The following CYP24A1 variants were observed in gnomAD, a reference collection of about 807,000 sequenced individuals.
CYP24A1 encodes the protein cytochrome P450 family 24 subfamily A member 1.
A neutral mutation model predicts 62.4 loss-of-function variants in CYP24A1; 68 were observed. The observed-to-expected ratio is 1.09, with a 90% CI of 0.90 to 1.33. The LOEUF is 1.33. Ranked by LOEUF, CYP24A1 falls within the 40% of genes most tolerant of loss-of-function variation. The pLI is 0.00. For missense variants in CYP24A1, 787 were observed against 653.0 expected (o/e 1.21, Z -2.24); for synonymous variants, 267 against 253.0 (o/e 1.06, Z -0.52).
At chr20:54,148,048 C>G in the CYP24A1 span, among the ~76,000 whole-genome samples, 2 of 152,144 alleles carry the variant, frequency 1.3e-5, no homozygotes, top group Admixed American at 1.3e-4. Context: ...GTTGGCCAGG[C>G]TGGTCCCGAA....
At position 54,153,793 on chromosome 20, in the gene CYP24A1, A is replaced by C. The variant is rs928753921; in HGVS notation, c.*979T>G. On this transcript the variant is annotated 3_prime_UTR_variant, in exon 12 of 12. Transcript: ENST00000216862. ...CTGTGCATTTTACATTTATGAAATC[A>C]TATTTTTCCTAGGAGTTCAAATCAC... 2 of 152,676 alleles carry C rather than the reference A, an allele frequency of 1.3e-5. No homozygotes were observed. The highest frequency in any genetic ancestry group is 4.8e-5 in the African/African-American group (2 of 41,468). 9.5% of individuals were successfully genotyped at this position (152,676 alleles called of 1,614,324 possible). A position where few individuals can be genotyped will look rare whatever the true frequency, so the allele number is the denominator to read the frequency against.
intron 3 of CYP24A1, among the ~76,000 whole-genome samples, chr20:54,170,682 G>A (rs2092690906): frequency 6.6e-6 from 1 of 152,162 alleles, no homozygotes; most frequent in Non-Finnish European, 1.5e-5. Flanking sequence ...GCATTCGTTT[G>A]CTGGAACTGG....
the CYP24A1 span, among the ~76,000 whole-genome samples, chr20:54,145,265 T>C: frequency 6.6e-6 from 1 of 151,104 alleles, no homozygotes; most frequent in Non-Finnish European, 1.5e-5. Context: ...ACTCAGCTTA[T>C]TTTTCCGGAA....
At chr20:54,144,631 GA>G in the CYP24A1 span, among the ~76,000 whole-genome samples, 16 of 148,570 alleles carry the variant, frequency 1.1e-4, no homozygotes, top group African/African-American at 3.9e-4. Flanking sequence ...ATTATATTAT[GA>G]AAATATAGTA....
At chr20:54,169,713 A>T in intron 3 of CYP24A1, 25 bp from the exon 4 acceptor site, 12 of 1,613,734 alleles carry the variant, frequency 7.4e-6, no homozygotes, top group Non-Finnish European at 9.3e-6. Context: ...ACCGCAAAAG[A>T]CACATTTTAA....
At chr20:54,166,798 C>A (rs938455472) in intron 4 of CYP24A1, among the ~76,000 whole-genome samples, 1 of 151,808 alleles carries the variant, frequency 6.6e-6, no homozygotes, top group African/African-American at 2.4e-5. Flanking sequence ...TCAGGAGGCT[C>A]GGGCAGGCAG....
intron 7 of CYP24A1, 131 bp downstream of exon 7, chr20:54,162,586 C>CCG (rs1378368301): frequency 6.7e-6 from 5 of 747,190 alleles, no homozygotes; most frequent in East Asian, 5.1e-5. Context: ...TAGTATGAGA[C>CCG]TTTTCATTTT....
At position 54,157,205 on chromosome 20, in the gene CYP24A1, G is replaced by T. The variant is rs866890144; in HGVS notation, c.1519C>A (p.Leu507Ile). ...HSGTLVPSRELPIAFCQR is the reference protein window; with the variant it reads ...HSGTLVPSREIPIAFCQR ...TATCGCTGGCAAAACGCGATGGGGAGTTCCCGGCTGGGCACCAGGGTGCCT... is the reference window on the plus strand; with the variant it reads ...TATCGCTGGCAAAACGCGATGGGGATTTCCCGGCTGGGCACCAGGGTGCCT... Residue 507 changes from leucine (L) to isoleucine (I), a missense_variant, in exon 11 of 12, where the codon CTC (leucine) becomes ATC (isoleucine). Physicochemically the swap from Leu to Ile is conservative, Grantham distance 5. Coordinates refer to ENST00000216862, the MANE Select transcript of CYP24A1 (RefSeq NM_000782.5). 4 of 1,608,942 alleles carry T rather than the reference G, an allele frequency of 2.5e-6. No homozygotes were observed. The Middle Eastern group carries it at 6.6e-4, about 266-fold the overall frequency.
rs1467902111 is a variant in CYP24A1, at chr20:54,165,780, C to G, written c.694G>C (p.Gly232Arg). 3.9e-6 allele frequency: 6 copies of G among 1,544,344 alleles called. No homozygotes were observed. Among genetic ancestry groups the G allele is most frequent in the Non-Finnish European group, 5.4e-6 (6 of 1,116,136 alleles). ...ATGATGAAGTTCACAGCTTCATCCC[C>G]TGCATTCTTCTGGAGAAGCCCAAAT... ...KRFGLLQKNA[G>R]DEAVNFIMAI... The change falls in exon 5 of 12, where the codon GGG (glycine) becomes CGG (arginine). Residue 232 changes from glycine to arginine, a missense_variant. Gly to Arg is a moderately radical substitution (Grantham distance 125). Coordinates refer to ENST00000216862, the MANE Select transcript of CYP24A1 (RefSeq NM_000782.5).
At chr20:54,168,744 TTCCTTCCTTCCTTCTCTCCC>T (rs2092681537) in intron 4 of CYP24A1, among the ~76,000 whole-genome samples, 6 of 114,158 alleles carry the variant, frequency 5.3e-5, no homozygotes, top group South Asian at 2.9e-4. Flanking sequence ...CCTTCCCTCC[TTCCTTCCTTCCTTCTCTCCC>T]TCCTTCCTTC....
chr20:54,150,562 G>T (rs757741951), downstream of CYP24A1, among the ~76,000 whole-genome samples: 1 of 152,136 alleles, frequency 6.6e-6, no homozygotes, highest in Admixed American at 6.5e-5. Flanking sequence ...CTGACCTCAG[G>T]TGATCCATCG....
In CYP24A1 at chr20:54,170,661, A is replaced by T. The variant is rs551079421; in HGVS notation, c.543+916T>A. 7.2e-5 allele frequency among the ~76,000 whole-genome samples: 11 copies of T among 152,274 alleles called. No individual in the cohort carries two copies. The South Asian group carries it at 2.3e-3, about 32-fold the overall frequency. On this transcript the variant is annotated intron_variant, in intron 3 of 11. Transcript: ENST00000216862. ...TGAGACTTGGTGACATGAGGTCTGC[A>T]TTCTGACATGGCATTCGTTTGCTGG...
At position 54,173,803 on chromosome 20, in the gene CYP24A1, T is replaced by A; in HGVS notation, c.-224A>T. ...CAGCCTCAGAGCATTGGTGCCTCCTTGCACTGGCCGCAGGGGCTGGAAGAG... is the reference window on the plus strand; with the variant it reads ...CAGCCTCAGAGCATTGGTGCCTCCTAGCACTGGCCGCAGGGGCTGGAAGAG... On this transcript the variant is annotated 5_prime_UTR_variant, in exon 1 of 12. It introduces an in-frame stop codon into an upstream open reading frame of the 5' UTR. Coordinates refer to ENST00000216862, the MANE Select transcript of CYP24A1 (RefSeq NM_000782.5). This position sits in a 1 kb window ranked among gnomAD's most constrained non-coding sequence, Gnocchi z 7.2. 1 of 588,580 alleles carries A rather than the reference T, an allele frequency of 1.7e-6. No homozygotes were observed. Among genetic ancestry groups the A allele is most frequent in the Non-Finnish European group, 3.0e-6 (1 of 330,300 alleles). The allele number at this position is 588,580 out of a possible 1,614,324, so 36.5% of individuals were successfully genotyped here.
At chr20:54,153,160 C>G (rs531044966), downstream of CYP24A1, among the ~76,000 whole-genome samples, 3 of 152,286 alleles carry the variant, frequency 2.0e-5, no homozygotes, top group Admixed American at 6.5e-5. Flanking sequence ...GTTCTACCCC[C>G]CTTTCAATCA....
chr20:54,144,142 AGGGTTTAATTCTTTGCTGGCTTT>A, the CYP24A1 span, among the ~76,000 whole-genome samples: 2 of 152,032 alleles, frequency 1.3e-5, no homozygotes, highest in African/African-American at 2.4e-5. Flanking sequence ...TACCTTGCTC[AGGGTTTAATTCTTTGCTGGCTTT>A]GGGTTTAATT....
chr20:54,171,040 C>T (rs747913990), intron 3 of CYP24A1, among the ~76,000 whole-genome samples: 5 of 152,228 alleles, frequency 3.3e-5, no homozygotes, highest in Non-Finnish European at 5.9e-5. Flanking sequence ...TCTCTGAACA[C>T]ACCACGTCAT....
intron 4 of CYP24A1, among the ~76,000 whole-genome samples, chr20:54,166,867 A>C (rs1397580320): frequency 5.3e-5 from 8 of 152,116 alleles, no homozygotes; most frequent in Non-Finnish European, 8.8e-5. Context: ...CGCTGTCTCT[A>C]CAAAAAAATA....
At chr20:54,169,994 T>G (rs1026711436) in intron 3 of CYP24A1, among the ~76,000 whole-genome samples, 4 of 151,760 alleles carry the variant, frequency 2.6e-5, no homozygotes, top group African/African-American at 9.7e-5. Flanking sequence ...CTAATCAGAA[T>G]GGGGGAATAA....
At chr20:54,165,184 C>T (rs1377415071) in intron 5 of CYP24A1, among the ~76,000 whole-genome samples, 1 of 152,272 alleles carries the variant, frequency 6.6e-6, no homozygotes, top group Non-Finnish European at 1.5e-5. Flanking sequence ...AGGAGGTGAT[C>T]AGCGGGCCAG....
Sources: allele counts gnomAD v4.1 joint callset (sites outside exome capture counted in the v4.1 genomes callset), GRCh38; gene constraint gnomAD v4.1.1; non-coding constraint Gnocchi (gnomAD v3.1); transcripts MANE v1.5; gene names NCBI Gene and HGNC (gene_info 2026-07-23, HGNC 2026-07-21).